Variants in DNAH11 observed in about 807,000 individuals in gnomAD.
The protein encoded by DNAH11 is axonemal beta dynein heavy chain 11.
A neutral mutation model predicts 526.0 loss-of-function variants in DNAH11; 442 were observed. The observed-to-expected ratio is 0.84, with a 90% CI of 0.78 to 0.91. DNAH11 has a LOEUF of 0.91. Among genes scored for constraint, DNAH11 ranks in the 40% least tolerant of loss-of-function variants. The pLI is 0.00. For missense variants in DNAH11, 6,989 were observed against 5,448.7 expected, an observed-to-expected ratio of 1.28 and a Z score of -8.90; for synonymous variants, 2,461 against 1,935.9, an observed-to-expected ratio of 1.27 and a Z score of -7.12.
At chr7:21,711,941 A>G (rs1784479682) in intron 42 of DNAH11, 81 bp downstream of exon 42, 1 of 1,498,898 alleles carries the variant, frequency 6.7e-7, no homozygotes. Flanking sequence ...GCTTAAGCAC[A>G]TTCATGTTGT....
intron 73 of DNAH11, among the ~76,000 whole-genome samples, chr7:21,871,093 A>T (rs1783476470): frequency 1.3e-5 from 2 of 152,242 alleles, no homozygotes; most frequent in Admixed American, 1.3e-4. Context: ...CCTAAGCCCC[A>T]ATGTGATCAA....
At chr7:21,640,627 T>A (rs553685483) in intron 28 of DNAH11, among the ~76,000 whole-genome samples, 1 of 152,268 alleles carries the variant, frequency 6.6e-6, no homozygotes, top group South Asian at 2.1e-4. Flanking sequence ...CAATGACTAA[T>A]CTCACATGTG....
At chr7:21,824,607 T>A (rs1790197405) in intron 65 of DNAH11, among the ~76,000 whole-genome samples, 1 of 152,166 alleles carries the variant, frequency 6.6e-6, no homozygotes, top group South Asian at 2.1e-4. Context: ...CATGAAAATA[T>A]GCTCAACATC....
At chr7:21,707,863 A>ATT in intron 40 of DNAH11, 28 bp downstream of exon 40, 7 of 1,473,510 alleles carry the variant, frequency 4.8e-6, no homozygotes, top group East Asian at 2.4e-5. Context: ...GAAGTGCTCA[A>ATT]TTTTTTTTTT....
At chr7:21,663,132 G>A (rs570602416) in intron 30 of DNAH11, among the ~76,000 whole-genome samples, 31 of 152,164 alleles carry the variant, frequency 2.0e-4, no homozygotes, top group African/African-American at 7.5e-4. Flanking sequence ...AGTTCCCTGC[G>A]TGTTGCTACA....
rs186232277 is a variant in DNAH11, at chr7:21,900,297, C to G, written c.13303+177C>G. ...TGCTGGGATGTGTGTCCACTGTGAA[C>G]CAAACTGTAATATTTGGGGTGATGG... On this transcript the variant is annotated intron_variant, in intron 81 of 81. Coordinates refer to ENST00000409508, the MANE Select transcript of DNAH11 (RefSeq NM_001277115.2). Among the ~76,000 whole-genome samples, 66 of 123,702 alleles carry G rather than the reference C, an allele frequency of 5.3e-4. No individual in the cohort carries two copies. The East Asian group carries it at 0.012, about 23-fold the overall frequency. The allele number at this position is 123,702 out of a possible 152,430, so 81.2% of individuals were successfully genotyped here. A position where few individuals can be genotyped will look rare whatever the true frequency, so the allele number is the denominator to read the frequency against.
chr7:21,824,874 C>G (rs1001116487), intron 65 of DNAH11, among the ~76,000 whole-genome samples: 1 of 151,980 alleles, frequency 6.6e-6, no homozygotes, highest in Non-Finnish European at 1.5e-5. Context: ...AAATTCGTTA[C>G]TATAATATTG....
chr7:21,546,438 A>G (rs1782808786), intron 2 of DNAH11, among the ~76,000 whole-genome samples: 1 of 152,216 alleles, frequency 6.6e-6, no homozygotes, highest in South Asian at 2.1e-4. Context: ...ACTTTGGTTC[A>G]ATATGAGAAT....
At chr7:21,548,720 T>A (rs1392823224) in intron 2 of DNAH11, among the ~76,000 whole-genome samples, 1 of 152,094 alleles carries the variant, frequency 6.6e-6, no homozygotes, top group Non-Finnish European at 1.5e-5. Context: ...CCTGACTCAC[T>A]CGTGATGTTT....
chr7:21,629,292 T>C (rs1230948589), intron 25 of DNAH11, among the ~76,000 whole-genome samples: 1 of 152,188 alleles, frequency 6.6e-6, no homozygotes, highest in Non-Finnish European at 1.5e-5. Flanking sequence ...TTCTACTTTT[T>C]AGAATTTTTT....
chr7:21,786,370 T>C (rs1788192055), intron 58 of DNAH11, among the ~76,000 whole-genome samples: 2 of 152,122 alleles, frequency 1.3e-5, no homozygotes, highest in South Asian at 2.1e-4. Flanking sequence ...GACTGATATA[T>C]AGATATATAG....
chr7:21,819,138 T>G (rs1789944783), intron 65 of DNAH11, among the ~76,000 whole-genome samples: 1 of 152,178 alleles, frequency 6.6e-6, no homozygotes, highest in South Asian at 2.1e-4. Context: ...TCACTAGACT[T>G]AATTCACTGA....
At chr7:21,556,141 A>G (rs1441589240) in intron 2 of DNAH11, among the ~76,000 whole-genome samples, 1 of 152,086 alleles carries the variant, frequency 6.6e-6, no homozygotes, top group Non-Finnish European at 1.5e-5. Context: ...TTATAAGGTT[A>G]TACCCTGGTC....
At chr7:21,816,011 C>A (rs903957959) in intron 63 of DNAH11, among the ~76,000 whole-genome samples, 1 of 152,154 alleles carries the variant, frequency 6.6e-6, no homozygotes, top group South Asian at 2.1e-4. Context: ...ATTAATCCAT[C>A]CCAGAGAGAT....
At chr7:21,769,487 T>A (rs1481037446) in intron 55 of DNAH11, among the ~76,000 whole-genome samples, 2 of 151,944 alleles carry the variant, frequency 1.3e-5, no homozygotes, top group South Asian at 4.2e-4. Flanking sequence ...TTCTTTGGTT[T>A]TTTTTTTCTT....
intron 3 of DNAH11, among the ~76,000 whole-genome samples, chr7:21,559,325 A>G (rs1194156463): frequency 1.3e-5 from 2 of 152,230 alleles, no homozygotes. Context: ...AAATTATACA[A>G]AAAGCAAACT....
intron 68 of DNAH11, among the ~76,000 whole-genome samples, chr7:21,858,953 C>T (rs763862273): frequency 3.9e-5 from 6 of 152,056 alleles, no homozygotes; most frequent in African/African-American, 1.2e-4. Flanking sequence ...CCAGAATGCT[C>T]CAAAATCTGA....
chr7:21,815,204 CAA>C (rs147063671), intron 63 of DNAH11, among the ~76,000 whole-genome samples: 4,362 of 152,132 alleles, frequency 0.029, 96 homozygotes, highest in Non-Finnish European at 0.045. Context: ...CTTCAGAAAT[CAA>C]AGTTACAGCC....
intron 45 of DNAH11, among the ~76,000 whole-genome samples, chr7:21,730,340 G>C (rs534262129): frequency 6.6e-6 from 1 of 152,210 alleles, no homozygotes; most frequent in African/African-American, 2.4e-5. Flanking sequence ...TAAAAACTTG[G>C]AGGACTGGCA....
Sources: gnomAD v4.1 joint callset for allele counts (sites outside exome capture counted in the v4.1 genomes callset) on GRCh38, gnomAD v4.1.1 for gene constraint, MANE v1.5 for transcripts, NCBI Gene and HGNC (gene_info 2026-07-23, HGNC 2026-07-21) for gene names.